Variants in XDH observed in about 807,000 individuals in gnomAD.
XDH encodes xanthine dehydrogenase, also known as xanthine dehydrogenase/oxidase.
Under a neutral mutation model 156.1 loss-of-function variants are expected in XDH, and 138 were observed. The ratio of observed to expected loss-of-function variants is 0.88; its 90% CI spans 0.77 to 1.02. The LOEUF (loss-of-function observed/expected upper bound fraction) is 1.02, where lower values mean the gene tolerates loss of function less well. Among genes scored for constraint, XDH ranks in the 50% least tolerant of loss-of-function variants. The pLI, the probability that XDH is intolerant of heterozygous loss-of-function variation, is 0.00. For synonymous variants in XDH, 669 were observed against 625.7 expected (o/e 1.07, Z -1.03); for missense variants, 1,849 against 1,684.9 (o/e 1.10, Z -1.71).
intron 28 of XDH, 78 bp from the exon 29 acceptor site, chr2:31,347,728 C>G: frequency 6.4e-7 from 1 of 1,558,002 alleles, no homozygotes; most frequent in Non-Finnish European, 8.7e-7. Flanking sequence ...AGACAGGATT[C>G]ACATTCACTG....
chr2:31,383,009 A>T lies in XDH; in HGVS notation c.1030T>A (p.Ser344Thr). 1.2e-6 allele frequency: 2 copies of T among 1,614,070 alleles called. No individual in the cohort carries two copies. Among genetic ancestry groups the T allele is most frequent in the Non-Finnish European group, 8.5e-7 (1 of 1,180,008 alleles). ...LRWFAGKQVK[S>T]VASVGGNIIT... The stretch of plus-strand genomic sequence containing the variant: ...TTCTGAGAGCGACTCACCGCCACAG[A>T]CTTGACTTGCTTCCCAGCAAACCAG... The change falls in exon 11 of 36, where the codon TCT (serine) becomes ACT (threonine). Residue 344 changes from serine to threonine, a missense_variant. By Grantham distance (58) the Ser-to-Thr change is moderately conservative. Transcript: ENST00000379416.
intron 13 of XDH, among the ~76,000 whole-genome samples, chr2:31,379,582 G>A (rs769826018): frequency 6.0e-4 from 92 of 152,290 alleles, no homozygotes; most frequent in Non-Finnish European, 1.1e-3. Context: ...CCATTTTACA[G>A]ATAAGGGAAT....
Position 31,349,677 on chromosome 2 carries a change from A to G in XDH, c.2969+9T>C. ...GAAGAGCAACTGGACTTCTACTCCT[A>G]GTGCTTACTTGTTGAACTTGTCAAC... On this transcript the variant is annotated intron_variant, in intron 26 of 35. Coordinates refer to ENST00000379416, the MANE Select transcript of XDH (RefSeq NM_000379.4). The G allele has an allele frequency of 6.2e-7, 1 of 1,614,030 alleles. No homozygotes were observed. The highest frequency in any genetic ancestry group is 8.5e-7 in the Non-Finnish European group (1 of 1,180,020).
At position 31,386,502 on chromosome 2, in the gene XDH, C is replaced by T. The variant is rs767759173; in HGVS notation, c.705G>A (p.Thr235=). Residue 235 remains threonine, a synonymous_variant, in exon 9 of 36, where the codon ACG becomes ACA. Transcript: ENST00000379416. The part of the protein sequence containing the change: ...KQLRFEGERV[T]WIQASTLKEL... ...CCTTGAGGGTTGAGGCCTGTATCCA[C>T]GTCACACGCTCCCCTTCAAATCGCA... 8.7e-6 allele frequency: 14 copies of T among 1,614,030 alleles called. No homozygotes were observed. The highest frequency in any genetic ancestry group is 1.6e-4 in the Middle Eastern group (1 of 6,076).
At chr2:31,413,394 G>A (rs140702263) in intron 1 of XDH, among the ~76,000 whole-genome samples, 48 of 152,302 alleles carry the variant, frequency 3.2e-4, no homozygotes, top group African/African-American at 1.1e-3. Flanking sequence ...ACCCTGAAAA[G>A]GATGCAGCTC....
intron 18 of XDH, among the ~76,000 whole-genome samples, 191 bp downstream of exon 18, chr2:31,370,164 G>A (rs1361420041): frequency 3.3e-5 from 5 of 152,190 alleles, no homozygotes; most frequent in Non-Finnish European, 5.9e-5. Context: ...TGTACAAACA[G>A]CAGCCATCAA....
rs942824842 is a variant in XDH, at chr2:31,368,764, C to T, written c.1981-104G>A. The stretch of plus-strand genomic sequence containing the variant: ...CAAAAGAAGTCCCTGCCCTCACAAT[C>T]AAAGCACACTTTAGGAATGCCCTAG... On this transcript the variant is annotated intron_variant, in intron 18 of 35. Coordinates refer to ENST00000379416, the MANE Select transcript of XDH (RefSeq NM_000379.4). 19 of 1,601,332 alleles carry T rather than the reference C, an allele frequency of 1.2e-5. No homozygotes were observed. The East Asian group carries it at 3.1e-4, about 26-fold the overall frequency.
At chr2:31,389,283 C>T (rs376785499) in intron 6 of XDH, among the ~76,000 whole-genome samples, 2 of 152,132 alleles carry the variant, frequency 1.3e-5, no homozygotes, top group African/African-American at 4.8e-5. Context: ...GGAGGTGTGA[C>T]CTTGGAGAAG....
rs1238209841 is a variant in XDH at position 31,398,609 on chromosome 2, C to CG, written c.396dup (p.Glu133ArgfsTer8). On this transcript the variant is annotated frameshift_variant, in exon 5 of 36. Coordinates refer to ENST00000379416, the MANE Select transcript of XDH (RefSeq NM_000379.4). LOFTEE classifies it high-confidence loss of function. ...TTCTCAATCTCCTCCATGGTGGGCT[C>CG]GGGCTGATTCCGGAGCAGTGTGTAC... The CG allele has an allele frequency of 4.3e-6, 7 of 1,613,992 alleles. No homozygotes were observed. Among genetic ancestry groups the CG allele is most frequent in the Non-Finnish European group, 5.9e-6 (7 of 1,179,992 alleles).
intron 19 of XDH, 75 bp downstream of exon 19, chr2:31,368,466 C>A (rs1300967758): frequency 1.3e-6 from 2 of 1,579,366 alleles, no homozygotes. Context: ...CAAATCCCCT[C>A]CAGGGGATCC....
intron 33 of XDH, 127 bp downstream of exon 33, chr2:31,341,202 C>A: frequency 1.0e-6 from 1 of 989,450 alleles, no homozygotes; most frequent in Non-Finnish European, 1.6e-6. Flanking sequence ...GGGAAACTCC[C>A]TAGGTTCCAT....
At chr2:31,361,404 G>A (rs1685773043) in intron 24 of XDH, among the ~76,000 whole-genome samples, 1 of 152,182 alleles carries the variant, frequency 6.6e-6, no homozygotes, top group Admixed American at 6.5e-5. Context: ...ATTTATGAAA[G>A]GACAGTTATT....
intron 2 of XDH, 105 bp from the exon 3 acceptor site, chr2:31,403,249 G>A (rs1558316434): frequency 1.9e-5 from 24 of 1,239,928 alleles, no homozygotes; most frequent in East Asian, 1.2e-4. Context: ...ATTCCCACAC[G>A]TGCTCAGGCC....
At chr2:31,357,998 A>G (rs1252258851) in intron 24 of XDH, among the ~76,000 whole-genome samples, 1 of 151,884 alleles carries the variant, frequency 6.6e-6, no homozygotes, top group African/African-American at 2.4e-5. Context: ...TTTTTTTTTC[A>G]AGTATTATAC....
Position 31,387,814 on chromosome 2 carries a change from C to G in XDH, c.648G>C (p.Leu216Phe). The G allele has an allele frequency of 6.3e-7, 1 of 1,579,728 alleles. No homozygotes were observed. Among genetic ancestry groups the G allele is most frequent in the Non-Finnish European group, 8.6e-7 (1 of 1,162,750 alleles). ...CTGTCCCTGAGGCATCACCTACCAG[C>G]AACTCTGGGGGAAAAATGGGCTCCT... is the stretch of plus-strand genomic sequence containing the variant. ...PTQEPIFPPE[L>F]LRLKDTPRKQ... Residue 216 changes from leucine (L) to phenylalanine (F), a missense_variant, in exon 8 of 36, where the codon TTG becomes TTC. Leu to Phe is a conservative substitution (Grantham distance 22). Transcript: ENST00000379416.
At chr2:31,389,905 G>A (rs936807438) in intron 6 of XDH, among the ~76,000 whole-genome samples, 3 of 151,852 alleles carry the variant, frequency 2.0e-5, no homozygotes, top group African/African-American at 7.3e-5. Flanking sequence ...AGTGGAAGAT[G>A]TAGAGAATTC....
chr2:31,349,018 T>C lies in XDH; in HGVS notation c.2970-38A>G, dbSNP rs45465405. 4.5e-3 allele frequency: 7,108 copies of C among 1,582,040 alleles called. 225 individuals are homozygous for C. In the African/African-American group the frequency reaches 0.073, roughly 16 times the overall value. ...GAATATTCTTATAGAACCTTCGCTATCATATTGAGGACATGAATATCTTTG... is the reference window on the plus strand; with the variant it reads ...GAATATTCTTATAGAACCTTCGCTACCATATTGAGGACATGAATATCTTTG... On this transcript the variant is annotated intron_variant, in intron 26 of 35. Transcript: ENST00000379416.
chr2:31,338,619 T>C (rs376007905), intron 34 of XDH, among the ~76,000 whole-genome samples: 123 of 152,022 alleles, frequency 8.1e-4, no homozygotes, highest in African/African-American at 2.8e-3. Flanking sequence ...ACTAGGATTA[T>C]ATGCATCAGC....
chr2:31,411,283 GAA>G (rs376149812), intron 1 of XDH, among the ~76,000 whole-genome samples: 10 of 102,026 alleles, frequency 9.8e-5, no homozygotes, highest in South Asian at 6.3e-4. Context: ...CCTGTCTCAG[GAA>G]AAAAAAAAAA....
Sources: gnomAD v4.1 joint callset for allele counts (sites outside exome capture counted in the v4.1 genomes callset) on GRCh38, gnomAD v4.1.1 for gene constraint, MANE v1.5 for transcripts, NCBI Gene and HGNC (gene_info 2026-07-23, HGNC 2026-07-21) for gene names.